Variants in KCMF1 observed in about 807,000 individuals in gnomAD.
The protein encoded by KCMF1 is E3 ubiquitin-protein ligase KCMF1.
KCMF1 carries 3 observed loss-of-function variants against 41.1 expected under a neutral mutation model. The ratio of observed to expected loss-of-function variants is 0.07; its 90% CI spans 0.03 to 0.19. The LOEUF (loss-of-function observed/expected upper bound fraction) is 0.19, where lower values mean the gene tolerates loss of function less well. Ranked by LOEUF, KCMF1 falls within the 10% of genes least tolerant of loss-of-function variation. The probability of loss-of-function intolerance (pLI) is 1.00; values close to 1 mark genes in which losing one functional copy is unlikely to be tolerated. For synonymous variants in KCMF1, 142 were observed against 164.5 expected (o/e 0.86, Z 1.04); for missense variants, 286 against 488.9 (o/e 0.58, Z 3.91).
chr2:84,998,125 CT>C (rs1246234757), intron 1 of KCMF1, among the ~76,000 whole-genome samples: 2 of 151,910 alleles, frequency 1.3e-5, no homozygotes, highest in East Asian at 3.9e-4. Flanking sequence ...GAGTTTCTCT[CT>C]TGTTGCCCAA....
At chr2:84,985,064 T>G (rs1673867424) in intron 1 of KCMF1, among the ~76,000 whole-genome samples, 1 of 151,138 alleles carries the variant, frequency 6.6e-6, no homozygotes, top group Non-Finnish European at 1.5e-5. Flanking sequence ...CATAGTTAAA[T>G]GAGAGAGATT....
At chr2:84,979,226 T>TG (rs1486696495) in intron 1 of KCMF1, among the ~76,000 whole-genome samples, 88 of 152,268 alleles carry the variant, frequency 5.8e-4, no homozygotes, top group Non-Finnish European at 2.9e-5. Flanking sequence ...CTAGAAATAA[T>TG]GTTTTTTAAA....
intron 2 of KCMF1, among the ~76,000 whole-genome samples, chr2:85,033,154 A>C (rs914860159): frequency 6.6e-6 from 1 of 152,238 alleles, no homozygotes. Context: ...AATGGTCAAT[A>C]TATACATAAT....
chr2:85,019,042 T>G (rs1674862026), intron 1 of KCMF1, among the ~76,000 whole-genome samples: 1 of 152,134 alleles, frequency 6.6e-6, no homozygotes, highest in Non-Finnish European at 1.5e-5. Flanking sequence ...CAGCCAGAAC[T>G]TTGATTTTTT....
At chr2:85,008,302 T>TTATATATTATGATAATAATG (rs1674535851) in intron 1 of KCMF1, among the ~76,000 whole-genome samples, 1 of 90,556 alleles carries the variant, frequency 1.1e-5, no homozygotes, top group African/African-American at 5.2e-5. Context: ...ATATATAATA[T>TTATATATTATGATAATAATG]ATAATATGAT....
chr2:85,048,495 C>G (rs143280858), intron 5 of KCMF1, among the ~76,000 whole-genome samples: 3 of 152,206 alleles, frequency 2.0e-5, no homozygotes, highest in African/African-American at 7.2e-5. Context: ...AGCAAGAAAA[C>G]AAACTGTTAA....
chr2:84,974,699 T>A (rs1282210393), intron 1 of KCMF1, among the ~76,000 whole-genome samples: 88 of 64,682 alleles, frequency 1.4e-3, no homozygotes, highest in East Asian at 1.9e-3. Context: ...ATATTTTTTT[T>A]TTTTTTTTTT....
chr2:84,975,771 T>C (rs1166869223), intron 1 of KCMF1, among the ~76,000 whole-genome samples: 3 of 152,234 alleles, frequency 2.0e-5, no homozygotes, highest in Admixed American at 1.3e-4. Flanking sequence ...AATGTAAGTA[T>C]GTTATTCAGA....
chr2:84,972,448 G>T (rs180834333), intron 1 of KCMF1, among the ~76,000 whole-genome samples: 10 of 152,292 alleles, frequency 6.6e-5, no homozygotes, highest in Admixed American at 2.0e-4. Flanking sequence ...AAAGGAGGAG[G>T]GGGTTGTGTT....
intron 1 of KCMF1, among the ~76,000 whole-genome samples, chr2:85,023,315 G>A (rs1558578971): frequency 1.9e-5 from 2 of 106,126 alleles, no homozygotes; most frequent in African/African-American, 7.0e-5. Flanking sequence ...AATCTGAATA[G>A]CCTTTTTTTT....
chr2:85,039,080 G>A (rs547754470), intron 3 of KCMF1, among the ~76,000 whole-genome samples: 44 of 152,216 alleles, frequency 2.9e-4, no homozygotes, highest in African/African-American at 9.4e-4. Flanking sequence ...ATGTTGGCAG[G>A]AACTATGCTC....
chr2:85,049,994 A>T lies in KCMF1; in HGVS notation c.884+346A>T, dbSNP rs529211201. Among the ~76,000 whole-genome samples, 179 of 152,148 alleles carry T rather than the reference A, an allele frequency of 1.2e-3. 7 individuals carry two copies. The South Asian group carries it at 0.036, about 31-fold the overall frequency. On this transcript the variant is annotated intron_variant, in intron 6 of 6. Coordinates refer to ENST00000409785, the MANE Select transcript of KCMF1 (RefSeq NM_020122.5). Reference sequence around the variant, plus strand: ...GGTAACATGATGAAATCTTATCTCTACAAAAATGAGCCAGGTGTGATGGTG... The same window carrying T: ...GGTAACATGATGAAATCTTATCTCTTCAAAAATGAGCCAGGTGTGATGGTG...
intron 1 of KCMF1, among the ~76,000 whole-genome samples, chr2:85,015,199 T>TC (rs558390425): frequency 1.6e-3 from 235 of 143,930 alleles, no homozygotes; most frequent in African/African-American, 5.9e-3. Context: ...CACACATTAA[T>TC]CCCCCCCGCT....
intron 1 of KCMF1, among the ~76,000 whole-genome samples, chr2:85,020,956 A>G (rs1225170716): frequency 6.6e-6 from 1 of 152,038 alleles, no homozygotes; most frequent in African/African-American, 2.4e-5. Flanking sequence ...AGCAGCCTCG[A>G]CCTCCTGGGC....
chr2:85,041,429 G>C (rs1017184675), intron 3 of KCMF1, among the ~76,000 whole-genome samples: 1 of 151,948 alleles, frequency 6.6e-6, no homozygotes, highest in African/African-American at 2.4e-5. Flanking sequence ...TTTCCTTCTA[G>C]GAATCTATAT....
rs182095644 is a variant in KCMF1 at position 85,054,041 on chromosome 2, G to C, written c.*632G>C. ...CTCCGCCCTGTGTGACTGTCCTGTC[G>C]CCCTGTTAGTCATCTTGCCTGTGTG... On this transcript the variant is annotated 3_prime_UTR_variant, in exon 7 of 7. Coordinates refer to ENST00000409785, the MANE Select transcript of KCMF1 (RefSeq NM_020122.5). 4 of 152,268 alleles carry C rather than the reference G, an allele frequency of 2.6e-5. No individual in the cohort carries two copies. The highest frequency in any genetic ancestry group is 9.7e-5 in the African/African-American group (4 of 41,406). The allele number at this position is 152,268 out of a possible 1,614,324, so 9.4% of individuals were successfully genotyped here.
chr2:84,977,666 TC>T (rs1673584560), intron 1 of KCMF1, among the ~76,000 whole-genome samples: 1 of 151,802 alleles, frequency 6.6e-6, no homozygotes, highest in Non-Finnish European at 1.5e-5. Context: ...CAAGTGATTC[TC>T]CCACCTCAGC....
At chr2:85,034,230 C>T (rs1025699740) in intron 2 of KCMF1, among the ~76,000 whole-genome samples, 7 of 151,976 alleles carry the variant, frequency 4.6e-5, no homozygotes, top group African/African-American at 1.4e-4. Context: ...TTAGCATTTA[C>T]AAAAAATGAA....
chr2:85,008,270 A>G (rs546617569), intron 1 of KCMF1, among the ~76,000 whole-genome samples: 10 of 101,378 alleles, frequency 9.9e-5, no homozygotes, highest in African/African-American at 2.4e-4. Flanking sequence ...TATCATATAT[A>G]ATATATAATA....
Sources: gnomAD v4.1 joint callset for allele counts (sites outside exome capture counted in the v4.1 genomes callset) on GRCh38, gnomAD v4.1.1 for gene constraint, MANE v1.5 for transcripts, NCBI Gene and HGNC (gene_info 2026-07-23, HGNC 2026-07-21) for gene names.